The following RBFOX3 variants were observed in gnomAD, a reference collection of about 807,000 sequenced individuals.
The protein encoded by RBFOX3 is RNA binding protein fox-1 homolog 3.
Under a neutral mutation model 48.7 loss-of-function variants are expected in RBFOX3, and 17 were observed. The observed-to-expected ratio is 0.35, with a 90% confidence interval of 0.24 to 0.52. The LOEUF is 0.52. Among genes scored for constraint, RBFOX3 ranks in the 20% least tolerant of loss-of-function variants. RBFOX3 has a pLI of 0.94. For missense variants in RBFOX3, 382 were observed against 497.5 expected, an observed-to-expected ratio of 0.77 and a Z score of 2.21; for synonymous variants, 212 against 209.5, an observed-to-expected ratio of 1.01 and a Z score of -0.10.
intron 1 of RBFOX3, among the ~76,000 whole-genome samples, chr17:79,554,425 CT>C (rs1477947035): frequency 1.5e-4 from 17 of 115,822 alleles, no homozygotes; most frequent in South Asian, 6.2e-4. Flanking sequence ...ACAGTCACCC[CT>C]CACCTGGCCC....
chr17:79,323,431 C>A (rs556461387), intron 2 of RBFOX3, among the ~76,000 whole-genome samples: 5 of 152,172 alleles, frequency 3.3e-5, no homozygotes, highest in Admixed American at 1.3e-4. Context: ...GATGGAGACA[C>A]GAGAGATGGT....
intron 2 of RBFOX3, among the ~76,000 whole-genome samples, chr17:79,436,672 A>G (rs1159377360): frequency 2.6e-5 from 4 of 152,172 alleles, no homozygotes; most frequent in Non-Finnish European, 5.9e-5. Context: ...AAGCCCTGGA[A>G]CAAAGGCGCC....
chr17:79,483,591 C>T (rs2079097802), intron 1 of RBFOX3, among the ~76,000 whole-genome samples: 3 of 150,508 alleles, frequency 2.0e-5, no homozygotes, highest in Admixed American at 2.0e-4. Context: ...CACGAATTTC[C>T]CCCCAGGGAC....
intron 5 of RBFOX3, among the ~76,000 whole-genome samples, chr17:79,110,481 T>G (rs904573457): frequency 6.6e-6 from 1 of 152,214 alleles, no homozygotes; most frequent in East Asian, 1.9e-4. Context: ...GTGGCTGTTG[T>G]TGGCACGGAA....
intron 1 of RBFOX3, among the ~76,000 whole-genome samples, chr17:79,513,156 C>A (rs1406494904): frequency 6.6e-6 from 1 of 151,942 alleles, no homozygotes; most frequent in Non-Finnish European, 1.5e-5. Flanking sequence ...AGTCCTATAG[C>A]CAGGGGACAT....
chr17:79,454,806 T>C (rs1256218698), intron 2 of RBFOX3, among the ~76,000 whole-genome samples: 1 of 152,168 alleles, frequency 6.6e-6, no homozygotes, highest in South Asian at 2.1e-4. Context: ...GAAGATGACA[T>C]GAGCTGAGCC....
In RBFOX3 at chr17:79,299,463, T is replaced by A. The variant is rs1423115984; in HGVS notation, c.-74+8261A>T. ...AATACAAATAACAGAAGTGAAAAAA[T>A]ACAGTGTCATTGCTATTTTCGTGGC... On this transcript the variant is annotated intron_variant, in intron 3 of 14. Coordinates refer to ENST00000693108, the MANE Select transcript of RBFOX3 (RefSeq NM_001350451.2). The surrounding 1 kb of genome is among the most constrained non-coding windows in gnomAD (Gnocchi z 4.5). 6.6e-6 allele frequency among the ~76,000 whole-genome samples: 1 copy of A among 152,022 alleles called. No homozygotes were observed. Among genetic ancestry groups the A allele is most frequent in the African/African-American group, 2.4e-5 (1 of 41,384 alleles).
intron 4 of RBFOX3, among the ~76,000 whole-genome samples, chr17:79,171,116 T>C (rs2049191092): frequency 6.6e-6 from 1 of 152,218 alleles, no homozygotes; most frequent in Non-Finnish European, 1.5e-5. Context: ...AGGTGGGTTG[T>C]GAGTGAAAAT....
intron 11 of RBFOX3, 91 bp downstream of exon 11, chr17:79,097,201 C>T (rs902429616): frequency 1.3e-5 from 15 of 1,153,540 alleles, no homozygotes; most frequent in African/African-American, 3.2e-5. Flanking sequence ...GAAAGGCTGC[C>T]TAGCCCCTCG....
chr17:79,474,987 G>A (rs1422136728), intron 2 of RBFOX3, among the ~76,000 whole-genome samples: 2 of 152,128 alleles, frequency 1.3e-5, no homozygotes, highest in African/African-American at 2.4e-5. Flanking sequence ...GCTCTACAAC[G>A]CCTCCCTCTC....
Position 79,273,093 on chromosome 17 carries a change from G to A in RBFOX3, c.-74+34631C>T, listed in dbSNP as rs2068034277. On this transcript the variant is annotated intron_variant, in intron 3 of 14. Transcript: ENST00000693108. ...TTGGCTTGGAGCCAAAGAACAGAGT[G>A]GTGACCTGTGACTACCAGGAGTCCC... 3.3e-5 allele frequency among the ~76,000 whole-genome samples: 5 copies of A among 152,178 alleles called. No homozygotes were observed. The South Asian group carries it at 1.0e-3, about 31-fold the overall frequency.
At chr17:79,442,258 A>G (rs1463903515) in intron 2 of RBFOX3, among the ~76,000 whole-genome samples, 2,194 of 3,684 alleles carry the variant, frequency 0.6, 598 homozygotes, top group East Asian at 0.69. Context: ...AGAGAGAGAG[A>G]GAGAGAGAGA....
At chr17:79,344,304 C>T (rs1161687936) in intron 2 of RBFOX3, among the ~76,000 whole-genome samples, 1 of 152,124 alleles carries the variant, frequency 6.6e-6, no homozygotes, top group Non-Finnish European at 1.5e-5. Context: ...TTTGAGTTGG[C>T]ATAAATGAAA....
chr17:79,390,298 C>T lies in RBFOX3; in HGVS notation c.-174-82474G>A, dbSNP rs559572463. ...CTTTAGCTGGCAGACACCAGCATCCCGGGGGGACTTCTTAGACTCCACTCT... is the reference window on the plus strand; with the variant it reads ...CTTTAGCTGGCAGACACCAGCATCCTGGGGGGACTTCTTAGACTCCACTCT... On this transcript the variant is annotated intron_variant, in intron 2 of 14. Transcript: ENST00000693108. The surrounding 1 kb of genome is among the most constrained non-coding windows in gnomAD (Gnocchi z 4.2). Among the ~76,000 whole-genome samples the T allele has an allele frequency of 7.9e-4, 121 of 152,316 alleles. No individual in the cohort carries two copies. Among genetic ancestry groups the T allele is most frequent in the African/African-American group, 2.7e-3 (114 of 41,568 alleles).
At chr17:79,232,628 C>T (rs1301443956) in intron 4 of RBFOX3, among the ~76,000 whole-genome samples, 1 of 152,116 alleles carries the variant, frequency 6.6e-6, no homozygotes, top group East Asian at 1.9e-4. Flanking sequence ...TGCACAAAAG[C>T]TAATTTGAGA....
chr17:79,106,228 T>G (rs1346383745), intron 6 of RBFOX3, among the ~76,000 whole-genome samples: 1 of 152,054 alleles, frequency 6.6e-6, no homozygotes, highest in African/African-American at 2.4e-5. Flanking sequence ...GAGGTTGAGC[T>G]GCCCCTCCAG....
intron 1 of RBFOX3, among the ~76,000 whole-genome samples, chr17:79,562,599 T>C (rs1464274189): frequency 1.3e-5 from 2 of 152,082 alleles, no homozygotes; most frequent in Admixed American, 6.5e-5. Flanking sequence ...ACACATGACG[T>C]CCCCCGCAGC....
At position 79,362,845 on chromosome 17, in the gene RBFOX3, G is replaced by A. The variant is rs1040166295; in HGVS notation, c.-174-55021C>T. 6.6e-6 allele frequency among the ~76,000 whole-genome samples: 1 copy of A among 152,142 alleles called. No individual in the cohort carries two copies. The highest frequency in any genetic ancestry group is 2.4e-5 in the African/African-American group (1 of 41,436). On this transcript the variant is annotated intron_variant, in intron 2 of 14. Coordinates refer to ENST00000693108, the MANE Select transcript of RBFOX3 (RefSeq NM_001350451.2). The surrounding 1 kb of genome is among the most constrained non-coding windows in gnomAD (Gnocchi z 4.2). Reference sequence around the variant, plus strand: ...GCGGGAACATCAGACAACCCTGAACGCCCGGCTCTGTGTGCAGACCTCATT... The same window carrying A: ...GCGGGAACATCAGACAACCCTGAACACCCGGCTCTGTGTGCAGACCTCATT...
intron 1 of RBFOX3, chr17:79,600,184 G>GAC (rs1437939027): frequency 9.8e-5 from 15 of 152,382 alleles, no homozygotes; most frequent in African/African-American, 3.4e-4. Flanking sequence ...ACCAATACAT[G>GAC]ACACACACAT....
Sources: gnomAD v4.1 joint callset for allele counts (sites outside exome capture counted in the v4.1 genomes callset) on GRCh38, gnomAD v4.1.1 for gene constraint, Gnocchi (gnomAD v3.1) non-coding constraint, MANE v1.5 for transcripts, NCBI Gene and HGNC (gene_info 2026-07-23, HGNC 2026-07-21) for gene names.